The following USP34 variants were observed in gnomAD, a reference collection of about 807,000 sequenced individuals.
USP34 encodes the protein ubiquitin specific peptidase 34.
Under a neutral mutation model 460.3 loss-of-function variants are expected in USP34, and 70 were observed. That is an observed-to-expected ratio of 0.15 (90% CI 0.13 to 0.19). USP34 has a LOEUF of 0.19. USP34 is among the 10% of genes least tolerant of loss of function. The pLI is 1.00. For synonymous variants in USP34, 1,647 were observed against 1,405.3 expected, an observed-to-expected ratio of 1.17 and a Z score of -3.85; for missense variants, 3,985 against 4,236.2, an observed-to-expected ratio of 0.94 and a Z score of 1.65.
chr2:61,194,348 C>A lies in USP34; in HGVS notation c.9509-1368G>T, dbSNP rs146026127. The A allele has an allele frequency of 8.8e-5, 85 of 970,604 alleles. No individual in the cohort carries two copies. In the African/African-American group the frequency reaches 1.4e-3, roughly 16 times the overall value. The allele number at this position is 970,604 out of a possible 1,614,324, so 60.1% of individuals were successfully genotyped here. Reference sequence around the variant, plus strand: ...ACATAGGTAAACAAGGACATGTCATCACATCTGTGGCTATAGGGAAGAGAG... The same window carrying A: ...ACATAGGTAAACAAGGACATGTCATAACATCTGTGGCTATAGGGAAGAGAG... On this transcript the variant is annotated intron_variant, in intron 75 of 79. Coordinates refer to ENST00000398571, the MANE Select transcript of USP34 (RefSeq NM_014709.4).
intron 10 of USP34, among the ~76,000 whole-genome samples, chr2:61,358,930 A>G (rs929733120): frequency 4.6e-5 from 7 of 152,224 alleles, no homozygotes; most frequent in Non-Finnish European, 1.0e-4. Context: ...TGTATTCTGA[A>G]AACTACAAAA....
At chr2:61,287,213 T>G (rs1207284555) in intron 34 of USP34, among the ~76,000 whole-genome samples, 1 of 152,194 alleles carries the variant, frequency 6.6e-6, no homozygotes, top group East Asian at 1.9e-4. Context: ...ATACCAGTAC[T>G]TTCTAACCTT....
chr2:61,314,676 T>A lies in USP34; in HGVS notation c.3451A>T (p.Ser1151Cys). 1 of 1,603,424 alleles carries A rather than the reference T, an allele frequency of 6.2e-7. No homozygotes were observed. Among genetic ancestry groups the A allele is most frequent in the Non-Finnish European group, 8.5e-7 (1 of 1,176,608 alleles). ...KCMESLMIAS[S>C]SLEQESHSSL... ...GAGTGTGATTCCTGTTCAAGACTGC[T>A]AGAAGCTATCATAAGACTCTCCATG... Residue 1151 changes from serine to cysteine, a missense_variant, in exon 25 of 80, where the codon AGC becomes TGC. Ser to Cys is a moderately radical substitution (Grantham distance 112). This residue lies in a region of USP34 where 1,114 missense variants were observed against 1,122.5 expected (regional missense o/e 0.99). Coordinates refer to ENST00000398571, the MANE Select transcript of USP34 (RefSeq NM_014709.4).
intron 22 of USP34, among the ~76,000 whole-genome samples, chr2:61,318,172 G>A (rs1412600118): frequency 7.8e-6 from 1 of 128,886 alleles, no homozygotes; most frequent in Non-Finnish European, 1.6e-5. Context: ...CAGCCTTGGA[G>A]ACAGAGCAAG....
intron 1 of USP34, among the ~76,000 whole-genome samples, chr2:61,429,630 T>C (rs191726289): frequency 6.6e-6 from 1 of 152,040 alleles, no homozygotes; most frequent in East Asian, 1.9e-4. Context: ...AAAAAAAAGT[T>C]ATCATATATA....
chr2:61,376,637 G>A (rs1692806534), intron 8 of USP34, among the ~76,000 whole-genome samples: 1 of 152,076 alleles, frequency 6.6e-6, no homozygotes, highest in South Asian at 2.1e-4. Flanking sequence ...AGAGCTGTAG[G>A]TTTATTTTGT....
chr2:61,354,886 A>G (rs1175688703), intron 10 of USP34, among the ~76,000 whole-genome samples: 2 of 152,104 alleles, frequency 1.3e-5, no homozygotes, highest in East Asian at 3.8e-4. Flanking sequence ...CCAACTCCTG[A>G]TTGAGTACTT....
chr2:61,347,782 A>G, intron 15 of USP34, 88 bp downstream of exon 15: 1 of 1,540,836 alleles, frequency 6.5e-7, no homozygotes, highest in African/African-American at 1.4e-5. Context: ...GAATAGCACT[A>G]ATACAGAATA....
intron 6 of USP34, 28 bp downstream of exon 6, chr2:61,383,241 C>T (rs375487140): frequency 8.4e-5 from 126 of 1,507,248 alleles, no homozygotes; most frequent in East Asian, 4.3e-4. Context: ...CACTGATAAT[C>T]GGGGGTAAAG....
At chr2:61,320,949 G>A (rs923760393) in intron 21 of USP34, among the ~76,000 whole-genome samples, 1 of 152,088 alleles carries the variant, frequency 6.6e-6, no homozygotes, top group Non-Finnish European at 1.5e-5. Context: ...GGTGGAGGTT[G>A]CAGTGAGCTG....
intron 49 of USP34, among the ~76,000 whole-genome samples, chr2:61,247,378 T>C (rs539512834): frequency 6.6e-6 from 1 of 151,758 alleles, no homozygotes; most frequent in African/African-American, 2.4e-5. Flanking sequence ...GTAGATATGC[T>C]TATGGAGGCA....
At chr2:61,401,166 A>T (rs985990163) in intron 3 of USP34, among the ~76,000 whole-genome samples, 1 of 151,464 alleles carries the variant, frequency 6.6e-6, no homozygotes, top group Non-Finnish European at 1.5e-5. Context: ...AAAAAAAAAA[A>T]AAATTAAAAA....
intron 16 of USP34, among the ~76,000 whole-genome samples, chr2:61,340,004 C>A (rs769161162): frequency 6.6e-6 from 1 of 151,978 alleles, no homozygotes; most frequent in Non-Finnish European, 1.5e-5. Flanking sequence ...AAGAATAGTG[C>A]CATTTAGATT....
chr2:61,285,040 A>G (rs1179368637), intron 34 of USP34, 83 bp from the exon 35 acceptor site: 1 of 1,080,702 alleles, frequency 9.3e-7, no homozygotes, highest in Non-Finnish European at 1.3e-6. Context: ...TAGTTACTAA[A>G]GAGATGTGTA....
intron 1 of USP34, among the ~76,000 whole-genome samples, chr2:61,466,816 G>A (rs1286158758): frequency 1.3e-5 from 2 of 151,610 alleles, no homozygotes; most frequent in African/African-American, 4.9e-5. Flanking sequence ...GGAGGCTGAG[G>A]CAGAAGAATC....
chr2:61,268,831 G>T (rs1039195960), intron 41 of USP34, among the ~76,000 whole-genome samples: 1 of 151,920 alleles, frequency 6.6e-6, no homozygotes, highest in Non-Finnish European at 1.5e-5. Context: ...TATTAATAAG[G>T]ACCATCCTTC....
chr2:61,275,098 G>A (rs909439140), intron 41 of USP34, among the ~76,000 whole-genome samples: 5 of 152,082 alleles, frequency 3.3e-5, no homozygotes, highest in Middle Eastern at 3.4e-3. Flanking sequence ...GCAACATGGC[G>A]AAATCCCGTC....
At chr2:61,203,354 G>A in intron 74 of USP34, 91 bp from the exon 75 acceptor site, 2 of 1,210,486 alleles carry the variant, frequency 1.7e-6, no homozygotes, top group Non-Finnish European at 1.1e-6. Flanking sequence ...CTAAAAAGCT[G>A]ATTCAATATT....
chr2:61,201,672 C>A (rs1686981844), intron 75 of USP34, among the ~76,000 whole-genome samples: 1 of 152,144 alleles, frequency 6.6e-6, no homozygotes, highest in Non-Finnish European at 1.5e-5. Context: ...CATTTCTCCA[C>A]CATGTTTAAT....
Sources: allele counts gnomAD v4.1 joint callset (sites outside exome capture counted in the v4.1 genomes callset), GRCh38; gene constraint gnomAD v4.1.1; regional missense constraint gnomAD v4.1.1; transcripts MANE v1.5; gene names NCBI Gene and HGNC (gene_info 2026-07-23, HGNC 2026-07-21).